The following TMC5 variants were observed in gnomAD, a reference collection of about 807,000 sequenced individuals.
The protein encoded by TMC5 is transmembrane channel like 5, also known as transmembrane channel-like protein 5.
Under a neutral mutation model 110.5 loss-of-function variants are expected in TMC5, and 86 were observed. The observed-to-expected ratio is 0.78, with a 90% CI of 0.65 to 0.93. The LOEUF (loss-of-function observed/expected upper bound fraction) is 0.93. Among genes scored for constraint, TMC5 ranks in the 40% least tolerant of loss-of-function variants. TMC5 has a pLI of 0.00. For synonymous variants in TMC5, 455 were observed against 439.5 expected, an observed-to-expected ratio of 1.04 and a Z score of -0.44; for missense variants, 1,144 against 1,222.8, an observed-to-expected ratio of 0.94 and a Z score of 0.96.
chr16:19,452,282 G>C (rs1348196197), intron 5 of TMC5, among the ~76,000 whole-genome samples: 1 of 152,212 alleles, frequency 6.6e-6, no homozygotes, highest in Non-Finnish European at 1.5e-5. Context: ...AAGGGACACA[G>C]AGCTTCCATG....
chr16:19,460,131 A>T (rs768542278), intron 5 of TMC5, 104 bp from the exon 6 acceptor site: 1 of 750,148 alleles, frequency 1.3e-6, no homozygotes, highest in Non-Finnish European at 2.1e-6. Flanking sequence ...CCAACTCCAT[A>T]AACTTCTTCC....
At chr16:19,467,135 C>A (rs1968210374) in intron 9 of TMC5, among the ~76,000 whole-genome samples, 1 of 151,586 alleles carries the variant, frequency 6.6e-6, no homozygotes, top group African/African-American at 2.4e-5. Context: ...AACTGGAGAT[C>A]CTGTTTCAAA....
intron 8 of TMC5, among the ~76,000 whole-genome samples, chr16:19,465,001 GTCTTTCTTTCTT>G (rs71375641): frequency 0.012 from 847 of 73,600 alleles, 17 homozygotes; most frequent in African/African-American, 0.024. Flanking sequence ...CTTTCCTTTT[GTCTTTCTTTCTT>G]TCTTTCTTTC....
At chr16:19,438,412 G>GAA (rs773935856) in intron 2 of TMC5, among the ~76,000 whole-genome samples, 5 of 38,982 alleles carry the variant, frequency 1.3e-4, no homozygotes, top group African/African-American at 3.7e-4. Context: ...AAAAAAAGAA[G>GAA]AAAGAAAAGA....
Position 19,497,153 on chromosome 16 carries a change from T to A in TMC5, c.2964T>A (p.Asp988Glu). ...GCTTTTTGCATTTGGGGGAACATGA[T>A]GGCAGTCTTGGTGAGTAATTAAACT... ...QQGFLHLGEHDGSLDLRSRRS... is the reference protein window; with the variant it reads ...QQGFLHLGEHEGSLDLRSRRS... Residue 988 changes from aspartate to glutamate, a missense_variant, in exon 21 of 22, where the codon GAT becomes GAA. Physicochemically the swap from Asp to Glu is conservative, Grantham distance 45. Transcript: ENST00000542583. 2 of 1,614,086 alleles carry A rather than the reference T, an allele frequency of 1.2e-6. No homozygotes were observed. The highest frequency in any genetic ancestry group is 1.7e-6 in the Non-Finnish European group (2 of 1,179,952).
At chr16:19,460,691 CTG>C (rs1296508134) in intron 6 of TMC5, among the ~76,000 whole-genome samples, 1 of 152,202 alleles carries the variant, frequency 6.6e-6, no homozygotes, top group African/African-American at 2.4e-5. Flanking sequence ...CATGTCTCCT[CTG>C]TGCTACTCTC....
rs1243942480 is a variant in TMC5 at position 19,420,437 on chromosome 16, A to AC, written c.-308+2345_-308+2346insC. ...GCAAGACTCCGTCTCAAAAAAAAAA[A>AC]TAAAAAAAATTAAAAATCAACTAAT... On this transcript the variant is annotated intron_variant, in intron 1 of 21. Coordinates refer to ENST00000542583, the MANE Select transcript of TMC5 (RefSeq NM_001261841.2). Among the ~76,000 whole-genome samples, 348 of 150,840 alleles carry AC rather than the reference A, an allele frequency of 2.3e-3. 1 individual carries two copies. The highest frequency in any genetic ancestry group is 3.7e-3 in the Non-Finnish European group (248 of 67,700).
rs1466361174 is a variant in TMC5 at position 19,498,015 on chromosome 16, A to G, written c.*49A>G. On this transcript the variant is annotated 3_prime_UTR_variant, in exon 22 of 22. Coordinates refer to ENST00000542583, the MANE Select transcript of TMC5 (RefSeq NM_001261841.2). ...CAATCAAATAAGGGGAGGAGACGAAAATGGAATGATTTCTTCCATGCCACC... is the reference window on the plus strand; with the variant it reads ...CAATCAAATAAGGGGAGGAGACGAAGATGGAATGATTTCTTCCATGCCACC... 1.9e-6 allele frequency: 3 copies of G among 1,559,432 alleles called. No homozygotes were observed. The highest frequency in any genetic ancestry group is 1.7e-5 in the Admixed American group (1 of 59,862).
chr16:19,427,429 G>A (rs72783392), intron 1 of TMC5, among the ~76,000 whole-genome samples: 10,853 of 152,242 alleles, frequency 0.071, 1,034 homozygotes, highest in East Asian at 0.4. Context: ...ACCAGCCTGA[G>A]TGACAAAACG....
intron 14 of TMC5, 56 bp downstream of exon 14, chr16:19,479,584 T>C (rs1186741914): frequency 3.1e-6 from 4 of 1,288,338 alleles, no homozygotes; most frequent in Non-Finnish European, 4.5e-6. Context: ...CAGAACCTGA[T>C]TCCTGGCTGA....
At chr16:19,460,125 C>A in intron 5 of TMC5, 110 bp from the exon 6 acceptor site, 1 of 667,252 alleles carries the variant, frequency 1.5e-6, no homozygotes, top group Non-Finnish European at 2.4e-6. Context: ...AGATCCCCAA[C>A]TCCATAAACT....
intron 1 of TMC5, among the ~76,000 whole-genome samples, chr16:19,427,446 T>C (rs1344485494): frequency 6.6e-6 from 1 of 152,164 alleles, no homozygotes; most frequent in Non-Finnish European, 1.5e-5. Flanking sequence ...AACGAGACCC[T>C]GTCTCTGAAA....
At chr16:19,428,556 A>G (rs984200934) in intron 1 of TMC5, among the ~76,000 whole-genome samples, 1 of 152,214 alleles carries the variant, frequency 6.6e-6, no homozygotes, top group Non-Finnish European at 1.5e-5. Flanking sequence ...AGTAAACACT[A>G]TACCTTAGAC....
At chr16:19,463,524 G>T (rs922281083) in intron 7 of TMC5, among the ~76,000 whole-genome samples, 157 bp downstream of exon 7, 1 of 152,186 alleles carries the variant, frequency 6.6e-6, no homozygotes, top group African/African-American at 2.4e-5. Flanking sequence ...AGGTGGGCAT[G>T]GGGAAGAACT....
chr16:19,470,433 C>A (rs1389990930), intron 10 of TMC5, among the ~76,000 whole-genome samples: 2 of 152,138 alleles, frequency 1.3e-5, no homozygotes, highest in African/African-American at 4.8e-5. Context: ...GTGATCCACC[C>A]GCCTTGGCCT....
chr16:19,481,526 T>C (rs1968619592), intron 15 of TMC5, 61 bp downstream of exon 15: 1 of 1,252,952 alleles, frequency 8.0e-7, no homozygotes, highest in Non-Finnish European at 1.2e-6. Flanking sequence ...AGCTGGTGTT[T>C]TGGTGGCAAA....
chr16:19,491,424 T>G (rs2143759697), intron 18 of TMC5, among the ~76,000 whole-genome samples: 1 of 152,086 alleles, frequency 6.6e-6, no homozygotes, highest in Middle Eastern at 3.4e-3. Context: ...AGTTTGAGGC[T>G]GCAGTGTTCT....
chr16:19,432,334 C>A (rs994941655), intron 2 of TMC5, among the ~76,000 whole-genome samples: 1 of 152,018 alleles, frequency 6.6e-6, no homozygotes, highest in East Asian at 1.9e-4. Context: ...AAGTGAGAAA[C>A]CCTAAATGGG....
chr16:19,426,749 C>T (rs1348834919), intron 1 of TMC5, among the ~76,000 whole-genome samples: 2 of 152,120 alleles, frequency 1.3e-5, no homozygotes, highest in Non-Finnish European at 2.9e-5. Context: ...TTTTTTATTG[C>T]TTCTCTTTTC....
Sources: gnomAD v4.1 joint callset for allele counts (sites outside exome capture counted in the v4.1 genomes callset) on GRCh38, gnomAD v4.1.1 for gene constraint, MANE v1.5 for transcripts, NCBI Gene and HGNC (gene_info 2026-07-23, HGNC 2026-07-21) for gene names.